Variants in DAB1 observed in about 807,000 individuals in gnomAD.
DAB1 encodes disabled homolog 1.
In DAB1, 15 loss-of-function variants were observed where a neutral mutation model predicts 64.6. The observed-to-expected ratio is 0.23, with a 90% confidence interval of 0.16 to 0.36. DAB1 has a LOEUF of 0.36. Among genes scored for constraint, DAB1 ranks in the 10% least tolerant of loss-of-function variants. The pLI is 1.00. For synonymous variants in DAB1, 235 were observed against 251.9 expected (o/e 0.93, Z 0.64); for missense variants, 596 against 706.7 (o/e 0.84, Z 1.78).
intron 7 of DAB1, among the ~76,000 whole-genome samples, chr1:57,591,832 G>A (rs187930664): frequency 1.1e-3 from 174 of 152,278 alleles, no homozygotes; most frequent in African/African-American, 3.9e-3. Flanking sequence ...TGGGGAAACC[G>A]TCTAGAGCAA....
chr1:58,226,005 T>C (rs471119), intron 4 of DAB1, among the ~76,000 whole-genome samples: 38,426 of 150,140 alleles, frequency 0.26, 5,238 homozygotes, highest in East Asian at 0.46. Context: ...TGATGTTGCT[T>C]GGCTAAATTC....
chr1:57,221,359 C>T (rs1233167175), intron 2 of DAB1, among the ~76,000 whole-genome samples: 1 of 151,454 alleles, frequency 6.6e-6, no homozygotes, highest in African/African-American at 2.4e-5. Flanking sequence ...AACAAACTTG[C>T]ACGTTGTGCA....
rs746730282 is a variant in DAB1 at position 57,015,438 on chromosome 1, G to C, written c.896-7C>G. Reference sequence around the variant, plus strand: ...GCGCCCATTGCAACGTAACCTGGGAGAATGAAAAAGGAGAGTCAGGTGTTT... The same window carrying C: ...GCGCCCATTGCAACGTAACCTGGGACAATGAAAAAGGAGAGTCAGGTGTTT... On this transcript the variant is annotated splice_polypyrimidine_tract_variant and splice_region_variant and intron_variant, in intron 11 of 14. Transcript: ENST00000371236. 8 of 1,591,496 alleles carry C rather than the reference G, an allele frequency of 5.0e-6. No homozygotes were observed. Among genetic ancestry groups the C allele is most frequent in the Non-Finnish European group, 8.5e-7 (1 of 1,169,614 alleles).
chr1:57,710,494 T>C (rs1449080266), intron 6 of DAB1, among the ~76,000 whole-genome samples: 1 of 152,200 alleles, frequency 6.6e-6, no homozygotes, highest in Admixed American at 6.5e-5. Context: ...AGTCAGGCCT[T>C]ATGAGCATGT....
At chr1:58,481,249 A>T in intron 3 of DAB1, 1 of 509,510 alleles carries the variant, frequency 2.0e-6, no homozygotes, top group Non-Finnish European at 3.4e-6. Context: ...GTAATCCCTA[A>T]TATGCTCCAT....
intron 4 of DAB1, among the ~76,000 whole-genome samples, chr1:58,219,617 C>T (rs1339383028): frequency 5.3e-5 from 8 of 152,216 alleles, no homozygotes; most frequent in African/African-American, 1.9e-4. Flanking sequence ...CTCACCACCC[C>T]TTCCTTAGTC....
intron 6 of DAB1, among the ~76,000 whole-genome samples, chr1:57,712,844 T>G (rs1186507559): frequency 6.6e-6 from 1 of 152,234 alleles, no homozygotes; most frequent in Non-Finnish European, 1.5e-5. Flanking sequence ...TCAGGTATTT[T>G]AAGTTATACT....
chr1:57,285,119 T>G (rs1672207483), intron 2 of DAB1, among the ~76,000 whole-genome samples: 1 of 152,194 alleles, frequency 6.6e-6, no homozygotes, highest in Non-Finnish European at 1.5e-5. Flanking sequence ...AGTTTCACTA[T>G]TTCCAGGTGT....
intron 1 of DAB1, among the ~76,000 whole-genome samples, chr1:57,422,409 A>T (rs1684987596): frequency 6.6e-6 from 1 of 150,460 alleles, no homozygotes; most frequent in Non-Finnish European, 1.5e-5. Flanking sequence ...AGGCGGAGAA[A>T]GGCGCTCTCG....
rs748331112 is a variant in DAB1, at chr1:57,087,599, A to G, written c.307-15185T>C. ...AGAGCAACCTCTCTCTGCAATCGGA[A>G]GGAGAGTTGGGACTGAGCCCAAATG... is the stretch of plus-strand genomic sequence containing the variant. On this transcript the variant is annotated intron_variant, in intron 4 of 14. Transcript: ENST00000371236. Among the ~76,000 whole-genome samples, 3 of 152,132 alleles carry G rather than the reference A, an allele frequency of 2.0e-5. No individual in the cohort carries two copies. The South Asian group carries it at 6.2e-4, about 32-fold the overall frequency.
At chr1:57,683,811 G>A (rs993835057) in intron 6 of DAB1, among the ~76,000 whole-genome samples, 44 of 152,262 alleles carry the variant, frequency 2.9e-4, no homozygotes, top group African/African-American at 1.0e-3. Context: ...TTCAGAATCT[G>A]GATGACAAGG....
intron 7 of DAB1, among the ~76,000 whole-genome samples, chr1:57,470,655 G>C (rs1687104796): frequency 6.6e-6 from 1 of 152,148 alleles, no homozygotes; most frequent in African/African-American, 2.4e-5. Flanking sequence ...ATTCAGAAAA[G>C]CAAAGTCTGA....
chr1:57,358,512 A>G (rs1003085935), intron 1 of DAB1, among the ~76,000 whole-genome samples: 12 of 152,082 alleles, frequency 7.9e-5, no homozygotes, highest in Non-Finnish European at 1.6e-4. Context: ...AAGACATCCC[A>G]TGTTTAAGGA....
At chr1:57,073,164 T>G (rs981451478) in intron 4 of DAB1, among the ~76,000 whole-genome samples, 1 of 152,198 alleles carries the variant, frequency 6.6e-6, no homozygotes, top group Non-Finnish European at 1.5e-5. Flanking sequence ...CTGTAGAACT[T>G]TACTTTCTAA....
At chr1:57,201,889 T>C (rs1288745214) in intron 2 of DAB1, among the ~76,000 whole-genome samples, 1 of 152,084 alleles carries the variant, frequency 6.6e-6, no homozygotes, top group Non-Finnish European at 1.5e-5. Flanking sequence ...AATGCATGCA[T>C]GCATGCATGT....
intron 7 of DAB1, among the ~76,000 whole-genome samples, chr1:57,554,332 G>C (rs1471417539): frequency 6.6e-6 from 1 of 152,206 alleles, no homozygotes; most frequent in Non-Finnish European, 1.5e-5. Flanking sequence ...TGCGAAAGTC[G>C]CTTGAATTTT....
Position 57,010,707 on chromosome 1 carries a change from C to G in DAB1, c.1656G>C (p.Gln552His). Residue 552 changes from glutamine (Q) to histidine (H), a missense_variant, in exon 14 of 15, where the codon CAG (glutamine) becomes CAC (histidine). Transcript: ENST00000371236. ...GEPSGDNISP[Q>H]AGS The stretch of plus-strand genomic sequence containing the variant: ...AGACCTGCGCTATCTAGCTACCGGC[C>G]TGTGGACTTATATTATCACCACTGG... The G allele has an allele frequency of 6.3e-7, 1 of 1,582,840 alleles. No homozygotes were observed. The highest frequency in any genetic ancestry group is 1.2e-5 in the South Asian group (1 of 86,778).
chr1:58,488,063 ATTTCT>A (rs1366049597), intron 3 of DAB1, among the ~76,000 whole-genome samples: 1 of 152,076 alleles, frequency 6.6e-6, no homozygotes, highest in Non-Finnish European at 1.5e-5. Context: ...ATAGTTCTAT[ATTTCT>A]TTTCTCTTTT....
At chr1:58,018,543 C>T (rs1646774440) in intron 5 of DAB1, among the ~76,000 whole-genome samples, 1 of 152,166 alleles carries the variant, frequency 6.6e-6, no homozygotes, top group African/African-American at 2.4e-5. Context: ...CCTCTGGAGC[C>T]AGGGACTCAA....
Sources: gnomAD v4.1 joint callset for allele counts (sites outside exome capture counted in the v4.1 genomes callset) on GRCh38, gnomAD v4.1.1 for gene constraint, MANE v1.5 for transcripts, NCBI Gene and HGNC (gene_info 2026-07-23, HGNC 2026-07-21) for gene names.